SOX5: variants seen among roughly 807,000 people sequenced by gnomAD.
SOX5 encodes transcription factor SOX-5.
SOX5 carries 9 observed loss-of-function variants against 92.0 expected under a neutral mutation model. That is an observed-to-expected ratio of 0.10 (90% CI 0.06 to 0.17). The LOEUF is 0.17. Among genes scored for constraint, SOX5 ranks in the 10% least tolerant of loss-of-function variants. The pLI is 1.00. For missense variants in SOX5, 642 were observed against 944.5 expected (o/e 0.68, Z 4.20); for synonymous variants, 344 against 336.3 (o/e 1.02, Z -0.25).
At chr12:23,723,907 A>G (rs2092970484) in intron 6 of SOX5, among the ~76,000 whole-genome samples, 1 of 152,066 alleles carries the variant, frequency 6.6e-6, no homozygotes, top group South Asian at 2.1e-4. Flanking sequence ...TTTTAAAGAG[A>G]TGATATTTAT....
chr12:24,203,909 T>G (rs935501970), intron 4 of SOX5, among the ~76,000 whole-genome samples: 1 of 152,170 alleles, frequency 6.6e-6, no homozygotes, highest in Non-Finnish European at 1.5e-5. Context: ...TGGGGTACCC[T>G]GAATACTCTA....
intron 2 of SOX5, among the ~76,000 whole-genome samples, chr12:24,285,192 G>A (rs541765935): frequency 3.1e-4 from 47 of 152,106 alleles, no homozygotes; most frequent in Middle Eastern, 3.4e-3. Context: ...CTTGGACCCT[G>A]AGCATACAGA....
chr12:23,844,389 T>G (rs1224839574), intron 3 of SOX5, among the ~76,000 whole-genome samples: 1 of 152,146 alleles, frequency 6.6e-6, no homozygotes, highest in Non-Finnish European at 1.5e-5. Context: ...TCATAAAAAA[T>G]TAGCAGAATA....
intron 2 of SOX5, among the ~76,000 whole-genome samples, chr12:24,333,965 T>G (rs1470668572): frequency 2.0e-5 from 3 of 151,672 alleles, no homozygotes; most frequent in African/African-American, 7.3e-5. Context: ...CAGATCAATT[T>G]AATAAAAACC....
At chr12:23,995,918 G>C (rs1416968674) in intron 4 of SOX5, among the ~76,000 whole-genome samples, 5 of 152,102 alleles carry the variant, frequency 3.3e-5, no homozygotes, top group African/African-American at 4.8e-5. Flanking sequence ...AACCATAAAA[G>C]CTCCTTTAAT....
intron 4 of SOX5, among the ~76,000 whole-genome samples, chr12:23,995,957 C>T (rs533732902): frequency 1.3e-5 from 2 of 152,212 alleles, no homozygotes; most frequent in South Asian, 4.1e-4. Context: ...TATGTCAGCT[C>T]ACATTATGGA....
intron 4 of SOX5, among the ~76,000 whole-genome samples, chr12:23,743,757 T>C (rs1389557344): frequency 1.3e-5 from 2 of 152,194 alleles, no homozygotes; most frequent in Non-Finnish European, 2.9e-5. Flanking sequence ...GTTAGCCCTC[T>C]GCATAGGTGG....
intron 4 of SOX5, among the ~76,000 whole-genome samples, chr12:24,049,637 A>ATTTTTTTT (rs1957362294): frequency 1.0e-5 from 1 of 99,280 alleles, no homozygotes; most frequent in Non-Finnish European, 1.8e-5. Flanking sequence ...AATCCTTCAT[A>ATTTTTTTT]GTTTTTTTTT....
chr12:24,419,855 A>T (rs886620728), intron 1 of SOX5, among the ~76,000 whole-genome samples: 1 of 152,258 alleles, frequency 6.6e-6, no homozygotes, highest in Non-Finnish European at 1.5e-5. Flanking sequence ...CCATGCTAAA[A>T]AAAAGTGAAA....
chr12:24,198,381 C>A (rs924297865), intron 4 of SOX5, among the ~76,000 whole-genome samples: 1 of 152,154 alleles, frequency 6.6e-6, no homozygotes, highest in Admixed American at 6.5e-5. Context: ...CTTTTTCATA[C>A]AACTTAAACA....
At chr12:23,940,698 C>A (rs1943460861) in intron 1 of SOX5, among the ~76,000 whole-genome samples, 1 of 148,460 alleles carries the variant, frequency 6.7e-6, no homozygotes, top group East Asian at 2.0e-4. Context: ...AAATATAAAT[C>A]TTAACCTAGA....
chr12:24,311,587 C>T (rs1949182655), intron 2 of SOX5, among the ~76,000 whole-genome samples: 1 of 152,076 alleles, frequency 6.6e-6, no homozygotes, highest in African/African-American at 2.4e-5. Flanking sequence ...AAAATAAATA[C>T]AATTTAGTCA....
chr12:24,345,149 C>T (rs1314721437), intron 2 of SOX5, among the ~76,000 whole-genome samples: 1 of 152,036 alleles, frequency 6.6e-6, no homozygotes, highest in Non-Finnish European at 1.5e-5. Flanking sequence ...TGAAACAGGC[C>T]ATAACTTTCT....
intron 2 of SOX5, among the ~76,000 whole-genome samples, chr12:24,296,051 C>T (rs1396303906): frequency 6.6e-6 from 1 of 152,148 alleles, no homozygotes; most frequent in Non-Finnish European, 1.5e-5. Context: ...GAAGCACTCA[C>T]AGAACAAAAA....
At chr12:24,200,451 A>T (rs952750862) in intron 4 of SOX5, among the ~76,000 whole-genome samples, 1 of 152,132 alleles carries the variant, frequency 6.6e-6, no homozygotes, top group East Asian at 1.9e-4. Flanking sequence ...GTGCATATAC[A>T]TGAATGATAA....
intron 9 of SOX5, among the ~76,000 whole-genome samples, chr12:23,599,061 T>G (rs770495559): frequency 1.3e-5 from 2 of 152,226 alleles, no homozygotes; most frequent in Admixed American, 1.3e-4. Flanking sequence ...TAACGTTTAC[T>G]TGATAGCGTG....
rs1328145065 is a variant in SOX5 at position 23,531,929 on chromosome 12, A to ATG, written c.*2288_*2289dup. On this transcript the variant is annotated 3_prime_UTR_variant, in exon 15 of 15. Coordinates refer to ENST00000451604, the MANE Select transcript of SOX5 (RefSeq NM_006940.6). The stretch of plus-strand genomic sequence containing the variant: ...TGTGTGTGTATATGTGTGTATATAT[A>ATG]TGTATATATATATATACATATACAT... 1 of 145,494 alleles carries ATG rather than the reference A, an allele frequency of 6.9e-6. No homozygotes were observed. The highest frequency in any genetic ancestry group is 2.2e-4 in the East Asian group (1 of 4,650). 9.0% of individuals were successfully genotyped at this position (145,494 alleles called of 1,614,324 possible). A position where few individuals can be genotyped will look rare whatever the true frequency, so the allele number is the denominator to read the frequency against.
intron 1 of SOX5, among the ~76,000 whole-genome samples, chr12:24,480,832 T>C (rs1945908500): frequency 6.6e-6 from 1 of 151,848 alleles, no homozygotes. Context: ...AAAACCACTA[T>C]GGTGACCTGT....
At chr12:24,142,393 C>A (rs1474159403) in intron 4 of SOX5, among the ~76,000 whole-genome samples, 1 of 152,082 alleles carries the variant, frequency 6.6e-6, no homozygotes, top group Non-Finnish European at 1.5e-5. Flanking sequence ...ACACAAAATT[C>A]GGATTCTGGT....
Sources: gnomAD v4.1 joint callset for allele counts (sites outside exome capture counted in the v4.1 genomes callset) on GRCh38, gnomAD v4.1.1 for gene constraint, MANE v1.5 for transcripts, NCBI Gene and HGNC (gene_info 2026-07-23, HGNC 2026-07-21) for gene names.